ZNF713: variants seen among roughly 807,000 people sequenced by gnomAD.
ZNF713 encodes zinc finger protein 713.
ZNF713 carries 21 observed loss-of-function variants against 28.7 expected under a neutral mutation model. The ratio of observed to expected loss-of-function variants is 0.73; its 90% confidence interval spans 0.52 to 1.05. The LOEUF (loss-of-function observed/expected upper bound fraction) is 1.05. Ranked by LOEUF, ZNF713 falls within the 50% of genes least tolerant of loss-of-function variation. The pLI is 0.00. For synonymous variants in ZNF713, 167 were observed against 178.0 expected (o/e 0.94, Z 0.49); for missense variants, 458 against 532.4 (o/e 0.86, Z 1.37).
At chr7:55,890,102 T>C (rs1785351180) in intron 1 of ZNF713, among the ~76,000 whole-genome samples, 1 of 152,160 alleles carries the variant, frequency 6.6e-6, no homozygotes, top group Non-Finnish European at 1.5e-5. Flanking sequence ...CCTCTTCTTC[T>C]TATGAGGACA....
chr7:55,923,692 TC>T lies in ZNF713; in HGVS notation c.301del (p.His101IlefsTer28), dbSNP rs1786041297. 1.2e-6 allele frequency: 2 copies of T among 1,611,048 alleles called. No homozygotes were observed. Among genetic ancestry groups the T allele is most frequent in the African/African-American group, 1.3e-5 (1 of 74,872 alleles). On this transcript the variant is annotated frameshift_variant, in exon 6 of 7. Transcript: ENST00000429591. LOFTEE classifies it high-confidence loss of function. ...VIERDSLLDT[H>X]PDGENRPEIK... is the part of the protein sequence containing the mutation. Reference sequence around the variant, plus strand: ...TAGAAAGAGACAGCCTGCTGGATACTCATCCAGGTAAGTGCACACTCTTGGG... The same window carrying T: ...TAGAAAGAGACAGCCTGCTGGATACTATCCAGGTAAGTGCACACTCTTGGG...
At chr7:55,918,081 G>T (rs1378743187) in intron 4 of ZNF713, 2 of 456,514 alleles carry the variant, frequency 4.4e-6, no homozygotes, top group South Asian at 1.5e-5. Context: ...TCTCGGCAAG[G>T]CTGTGACTGG....
In ZNF713 at chr7:55,899,389, G is replaced by C. The variant is rs7383987; in HGVS notation, c.-582-6864G>C. Among the ~76,000 whole-genome samples the C allele has an allele frequency of 3.2e-5, 4 of 125,432 alleles. No homozygotes were observed. The Admixed American group carries it at 3.4e-4, about 11-fold the overall frequency. 82.3% of individuals were successfully genotyped at this position (125,432 alleles called of 152,430 possible). A position where few individuals can be genotyped will look rare whatever the true frequency, so the allele number is the denominator to read the frequency against. ...AAAAAAAAAAAAAAAATCAAGCCAG[G>C]CACGGTGGTTTATGCCTGTAATCCC... On this transcript the variant is annotated intron_variant, in intron 1 of 6. Transcript: ENST00000429591.
At chr7:55,893,694 C>G (rs1326944472) in intron 1 of ZNF713, among the ~76,000 whole-genome samples, 1 of 152,136 alleles carries the variant, frequency 6.6e-6, no homozygotes, top group Non-Finnish European at 1.5e-5. Flanking sequence ...ATTCTTGTGC[C>G]TCAGCCTCCC....
intron 4 of ZNF713, among the ~76,000 whole-genome samples, chr7:55,913,586 A>G (rs1259177754): frequency 7.9e-5 from 12 of 152,186 alleles, no homozygotes. Context: ...TATGAAAACT[A>G]GTCGAATGCT....
intron 1 of ZNF713, among the ~76,000 whole-genome samples, chr7:55,893,162 C>T (rs1168720075): frequency 2.0e-5 from 3 of 152,078 alleles, no homozygotes; most frequent in Non-Finnish European, 2.9e-5. Flanking sequence ...GGATTACAGG[C>T]GTGAGCTACC....
chr7:55,889,103 A>AT (rs34452146), intron 1 of ZNF713, among the ~76,000 whole-genome samples: 62,324 of 144,004 alleles, frequency 0.43, 14,502 homozygotes, highest in African/African-American at 0.62. Flanking sequence ...TCATATAATG[A>AT]TTTTTTTTTT....
chr7:55,888,593 C>T (rs1167434723), intron 1 of ZNF713, among the ~76,000 whole-genome samples: 2 of 152,000 alleles, frequency 1.3e-5, no homozygotes, highest in African/African-American at 4.8e-5. Flanking sequence ...CACCATGTTT[C>T]CCAGGCTGGT....
At chr7:55,898,268 ACAAT>A (rs533177062) in intron 1 of ZNF713, among the ~76,000 whole-genome samples, 25 of 152,386 alleles carry the variant, frequency 1.6e-4, no homozygotes, top group South Asian at 8.3e-4. Context: ...GGCAAAGGAA[ACAAT>A]CAATAAATGA....
chr7:55,921,745 G>T (rs1785996673), intron 4 of ZNF713, among the ~76,000 whole-genome samples: 1 of 152,210 alleles, frequency 6.6e-6, no homozygotes, highest in Non-Finnish European at 1.5e-5. Flanking sequence ...AATGACAATA[G>T]TGGATTTAGA....
intron 4 of ZNF713, among the ~76,000 whole-genome samples, chr7:55,916,692 T>G (rs1368683515): frequency 6.6e-6 from 1 of 152,222 alleles, no homozygotes; most frequent in Non-Finnish European, 1.5e-5. Context: ...AAAAAGCTGC[T>G]TTGTTCAATA....
At chr7:55,905,405 G>C (rs895960258) in intron 1 of ZNF713, among the ~76,000 whole-genome samples, 1 of 152,036 alleles carries the variant, frequency 6.6e-6, no homozygotes, top group Non-Finnish European at 1.5e-5. Flanking sequence ...CTAATGCACA[G>C]CTCAGACAGA....
chr7:55,893,330 C>G (rs973170399), intron 1 of ZNF713, among the ~76,000 whole-genome samples: 1 of 152,080 alleles, frequency 6.6e-6, no homozygotes, highest in Admixed American at 6.6e-5. Context: ...TGATCTCATG[C>G]TATAGATTGA....
chr7:55,902,762 G>A (rs547059262), intron 1 of ZNF713, among the ~76,000 whole-genome samples: 70 of 152,262 alleles, frequency 4.6e-4, no homozygotes, highest in African/African-American at 1.6e-3. Flanking sequence ...AATGCAGTGT[G>A]TATCCTAGAT....
chr7:55,937,805 G>A (rs1786382471), intron 6 of ZNF713, among the ~76,000 whole-genome samples: 1 of 152,150 alleles, frequency 6.6e-6, no homozygotes. Context: ...TACTTGGGAA[G>A]CTGAGGTGGG....
rs770655285 is a variant in ZNF713 at position 55,939,785 on chromosome 7, G to A, written c.1111G>A (p.Glu371Lys). Residue 371 changes from glutamate (E) to lysine (K), a missense_variant, in exon 7 of 7, where the codon GAA becomes AAA. Physicochemically the swap from Glu to Lys is moderately conservative, Grantham distance 56 (BLOSUM62 1). Coordinates refer to ENST00000429591, the MANE Select transcript of ZNF713 (RefSeq NM_182633.3). ...ACTTCATACCGGAGAGAAACCTTACGAATGTGGTTTCTGTGGCAAAGCCTT... is the reference window on the plus strand; with the variant it reads ...ACTTCATACCGGAGAGAAACCTTACAAATGTGGTTTCTGTGGCAAAGCCTT... The part of the protein sequence containing the change: ...HRLHTGEKPY[E>K]CGFCGKAFSQ... 2 of 1,614,000 alleles carry A rather than the reference G, an allele frequency of 1.2e-6. No individual in the cohort carries two copies. The highest frequency in any genetic ancestry group is 1.3e-5 in the African/African-American group (1 of 74,898).
At chr7:55,891,737 C>T (rs1221414035) in intron 1 of ZNF713, among the ~76,000 whole-genome samples, 4 of 151,360 alleles carry the variant, frequency 2.6e-5, no homozygotes, top group Non-Finnish European at 5.9e-5. Context: ...AGTATATAAA[C>T]GCCTGCAAAA....
intron 1 of ZNF713, among the ~76,000 whole-genome samples, chr7:55,893,330 C>CTA (rs1389291484): frequency 6.6e-6 from 1 of 152,080 alleles, no homozygotes; most frequent in Non-Finnish European, 1.5e-5. Flanking sequence ...TGATCTCATG[C>CTA]TATAGATTGA....
intron 6 of ZNF713, among the ~76,000 whole-genome samples, chr7:55,936,093 C>T (rs545790301): frequency 4.3e-4 from 65 of 151,780 alleles, no homozygotes; most frequent in African/African-American, 7.7e-4. Context: ...GGTGAAACCC[C>T]GTCTCTACTA....
Sources: gnomAD v4.1 joint callset for allele counts (sites outside exome capture counted in the v4.1 genomes callset) on GRCh38, gnomAD v4.1.1 for gene constraint, MANE v1.5 for transcripts, NCBI Gene and HGNC (gene_info 2026-07-23, HGNC 2026-07-21) for gene names.